KIAA0319L: variants seen among roughly 807,000 people sequenced by gnomAD.
The protein encoded by KIAA0319L is dyslexia-associated protein KIAA0319-like protein.
A neutral mutation model predicts 120.1 loss-of-function variants in KIAA0319L; 55 were observed. The ratio of observed to expected loss-of-function variants is 0.46; its 90% CI spans 0.37 to 0.57. The LOEUF is 0.57. KIAA0319L is among the 20% of genes least tolerant of loss of function. KIAA0319L has a pLI of 0.00. For missense variants in KIAA0319L, 1,049 were observed against 1,255.3 expected (o/e 0.84, Z 2.48); for synonymous variants, 398 against 471.9 (o/e 0.84, Z 2.03).
chr1:35,444,111 G>C (rs1404300225), intron 17 of KIAA0319L, 50 bp downstream of exon 17: 1 of 1,495,460 alleles, frequency 6.7e-7, no homozygotes, highest in Non-Finnish European at 9.0e-7. Flanking sequence ...CAATGGGTGA[G>C]CTGCAGGCAC....
At chr1:35,535,561 A>G (rs1164659375) in intron 2 of KIAA0319L, among the ~76,000 whole-genome samples, 1 of 152,218 alleles carries the variant, frequency 6.6e-6, no homozygotes, top group Non-Finnish European at 1.5e-5. Flanking sequence ...AATAATTTTA[A>G]CAGTACCTAC....
chr1:35,501,602 C>T (rs767709119), intron 3 of KIAA0319L, among the ~76,000 whole-genome samples: 10 of 152,260 alleles, frequency 6.6e-5, no homozygotes, highest in Non-Finnish European at 8.8e-5. Context: ...ACAGGCCAGG[C>T]GTGGTGGCTC....
At chr1:35,460,212 T>G in intron 9 of KIAA0319L, 93 bp downstream of exon 9, 1 of 1,037,766 alleles carries the variant, frequency 9.6e-7, no homozygotes, top group Non-Finnish European at 1.4e-6. Context: ...ACAGTGAATT[T>G]GATATTTGTC....
chr1:35,450,351 C>T lies in KIAA0319L; in HGVS notation c.2214+7G>A, dbSNP rs1641967220. On this transcript the variant is annotated splice_region_variant and intron_variant, in intron 14 of 20. Coordinates refer to ENST00000325722, the MANE Select transcript of KIAA0319L (RefSeq NM_024874.5). The stretch of plus-strand genomic sequence containing the variant: ...CTGTGTAGCTCTCCAGCTCCTAGCA[C>T]ACTTACCCCTGCTGCTGGGCTCCCC... The T allele has an allele frequency of 6.2e-7, 1 of 1,612,400 alleles. No homozygotes were observed.
intron 2 of KIAA0319L, among the ~76,000 whole-genome samples, chr1:35,517,062 A>G: frequency 6.6e-6 from 1 of 152,206 alleles, no homozygotes; most frequent in East Asian, 1.9e-4. Flanking sequence ...ATCAGAGAAG[A>G]CACAAATAAA....
In KIAA0319L at chr1:35,460,385, C is replaced by A. The variant is rs1348720888; in HGVS notation, c.1347G>T (p.Gly449=). ...CAGAAATCTTCTCTTCTCTTAGAGG[C>A]CCCTTAAGTTCTTCCCAATGGTACT... ...IVQYHWEELK[G]PLREEKISED... The change falls in exon 9 of 21, where the codon GGG becomes GGT. Residue 449 remains glycine, a synonymous_variant. Transcript: ENST00000325722. 6.2e-7 allele frequency: 1 copy of A among 1,611,496 alleles called. No individual in the cohort carries two copies.
At chr1:35,451,934 T>C in intron 12 of KIAA0319L, 158 bp from the exon 13 acceptor site, 1 of 782,898 alleles carries the variant, frequency 1.3e-6, no homozygotes, top group Non-Finnish European at 2.0e-6. Flanking sequence ...TTGGACAAAG[T>C]GTCATTTGGC....
chr1:35,553,918 G>A (rs554915577), intron 2 of KIAA0319L, among the ~76,000 whole-genome samples: 1 of 152,032 alleles, frequency 6.6e-6, no homozygotes, highest in Admixed American at 6.5e-5. Flanking sequence ...CTTTAGGAAA[G>A]GAAAGGAAGC....
chr1:35,472,558 G>T (rs1249294429), intron 5 of KIAA0319L, among the ~76,000 whole-genome samples: 1 of 152,138 alleles, frequency 6.6e-6, no homozygotes, highest in Non-Finnish European at 1.5e-5. Flanking sequence ...GCCTCCCAAA[G>T]TGCTAGGATT....
At chr1:35,502,516 G>A (rs1645048336) in intron 3 of KIAA0319L, among the ~76,000 whole-genome samples, 1 of 150,834 alleles carries the variant, frequency 6.6e-6, no homozygotes, top group African/African-American at 2.4e-5. Flanking sequence ...CATTTAACAC[G>A]TTCTTTGAGC....
chr1:35,512,683 A>G (rs568233762), intron 2 of KIAA0319L, among the ~76,000 whole-genome samples: 2 of 152,024 alleles, frequency 1.3e-5, no homozygotes, highest in Non-Finnish European at 2.9e-5. Flanking sequence ...AGCCTGGCCA[A>G]CATGGTGAAA....
At position 35,506,688 on chromosome 1, in the gene KIAA0319L, G is replaced by T. The variant is rs1027545167; in HGVS notation, c.590C>A (p.Thr197Lys). 1 of 1,614,180 alleles carries T rather than the reference G, an allele frequency of 6.2e-7. No individual in the cohort carries two copies. The part of the protein sequence containing the change: ...QKRGSPSDVV[T>K]PIVTQHSKVN... ...TTTAGAATGCTGTGTCACTATAGGT[G>T]TAACTACGTCACTGGGACTACCTCT... The change falls in exon 3 of 21, where the codon ACA (threonine) becomes AAA (lysine). Residue 197 changes from threonine (T) to lysine (K), a missense_variant. Coordinates refer to ENST00000325722, the MANE Select transcript of KIAA0319L (RefSeq NM_024874.5). The surrounding 1 kb of genome is among the most constrained non-coding windows in gnomAD (Gnocchi z 4.0).
In KIAA0319L at chr1:35,456,187, T is replaced by C; in HGVS notation, c.1482A>G (p.Thr494=). ...GATNSTTANL[T]VNKAVDYPPV... The stretch of plus-strand genomic sequence containing the variant: ...GGGGGTAATCCACAGCTTTGTTCAC[T>C]GTCAGGTTTGCAGTAGTAGAGTTGG... The change falls in exon 10 of 21, where the codon ACA becomes ACG. Residue 494 remains threonine, a synonymous_variant. Coordinates refer to ENST00000325722, the MANE Select transcript of KIAA0319L (RefSeq NM_024874.5). The C allele has an allele frequency of 6.2e-7, 1 of 1,612,166 alleles. No homozygotes were observed. Among genetic ancestry groups the C allele is most frequent in the Non-Finnish European group, 8.5e-7 (1 of 1,178,810 alleles).
intron 2 of KIAA0319L, among the ~76,000 whole-genome samples, chr1:35,532,746 A>G (rs532360665): frequency 4.8e-4 from 73 of 152,336 alleles, no homozygotes; most frequent in African/African-American, 1.7e-3. Context: ...AAATCTTTAC[A>G]AAAAATGGCT....
chr1:35,448,118 G>T, intron 16 of KIAA0319L, 55 bp downstream of exon 16: 1 of 1,499,768 alleles, frequency 6.7e-7, no homozygotes, highest in Non-Finnish European at 9.0e-7. Context: ...GCTCATTCAA[G>T]AAGCCCGGGG....
rs139815078 is a variant in KIAA0319L at position 35,507,756 on chromosome 1, T to C, written c.143-621A>G. Among the ~76,000 whole-genome samples, 3 of 152,324 alleles carry C rather than the reference T, an allele frequency of 2.0e-5. No individual in the cohort carries two copies. In the East Asian group the frequency reaches 5.8e-4, roughly 29 times the overall value. On this transcript the variant is annotated intron_variant, in intron 2 of 20. Coordinates refer to ENST00000325722, the MANE Select transcript of KIAA0319L (RefSeq NM_024874.5). ...ATCATAGTATCAGCCAGAGTGGTAG[T>C]CAAGATTACCAAAAATTTTAACCAC... is the stretch of plus-strand genomic sequence containing the variant.
rs1647060873 is a variant in KIAA0319L, at chr1:35,548,293, C to A, written c.142+6057G>T. ...TATTTCATTAACATGCTAATGGATA[C>A]CCTAACCTCTAACCCTGACCTCCCT... On this transcript the variant is annotated intron_variant, in intron 2 of 20. Coordinates refer to ENST00000325722, the MANE Select transcript of KIAA0319L (RefSeq NM_024874.5). Among the ~76,000 whole-genome samples, 3 of 152,106 alleles carry A rather than the reference C, an allele frequency of 2.0e-5. No individual in the cohort carries two copies. The South Asian group carries it at 6.2e-4, about 32-fold the overall frequency.
chr1:35,550,971 C>A (rs1162464546), intron 2 of KIAA0319L, among the ~76,000 whole-genome samples: 1 of 152,200 alleles, frequency 6.6e-6, no homozygotes, highest in Non-Finnish European at 1.5e-5. Context: ...CAATATTTTG[C>A]AGCACAGAAT....
chr1:35,445,314 A>T lies in KIAA0319L; in HGVS notation c.2514-1011T>A, dbSNP rs138053031. ...GGCATTATCAATTCCAGAAACAAAC[A>T]AACAAAAAAAAACTTTTGCCATAAA... On this transcript the variant is annotated intron_variant, in intron 16 of 20. Transcript: ENST00000325722. 6.6e-5 allele frequency among the ~76,000 whole-genome samples: 10 copies of T among 152,316 alleles called. No homozygotes were observed. The East Asian group carries it at 1.7e-3, about 26-fold the overall frequency.
Sources: gnomAD v4.1 joint callset for allele counts (sites outside exome capture counted in the v4.1 genomes callset) on GRCh38, gnomAD v4.1.1 for gene constraint, Gnocchi (gnomAD v3.1) non-coding constraint, MANE v1.5 for transcripts, NCBI Gene and HGNC (gene_info 2026-07-23, HGNC 2026-07-21) for gene names.